Variants in TTC28 observed in about 807,000 individuals in gnomAD.
The protein encoded by TTC28 is tetratricopeptide repeat domain 28, also known as tetratricopeptide repeat protein 28.
TTC28 carries 61 observed loss-of-function variants against 198.0 expected under a neutral mutation model. That is an observed-to-expected ratio of 0.31 (90% CI 0.25 to 0.38). The LOEUF is 0.38. Among genes scored for constraint, TTC28 ranks in the 10% least tolerant of loss-of-function variants. TTC28 has a pLI of 1.00. For synonymous variants in TTC28, 1,171 were observed against 1,297.8 expected, an observed-to-expected ratio of 0.90 and a Z score of 2.10; for missense variants, 2,678 against 3,164.0, an observed-to-expected ratio of 0.85 and a Z score of 3.69.
chr22:28,587,047 C>A (rs1348553706), intron 2 of TTC28, among the ~76,000 whole-genome samples: 2 of 152,104 alleles, frequency 1.3e-5, no homozygotes, highest in African/African-American at 4.8e-5. Flanking sequence ...CATGGTGAAA[C>A]CCTGTCTCTA....
At chr22:28,371,448 C>T (rs574001227) in intron 2 of TTC28, among the ~76,000 whole-genome samples, 10 of 117,720 alleles carry the variant, frequency 8.5e-5, no homozygotes, top group East Asian at 8.4e-4. Context: ...AGGCAGAGGT[C>T]GCAATAAGCC....
At chr22:28,339,718 G>A (rs535518786) in intron 2 of TTC28, among the ~76,000 whole-genome samples, 1 of 152,290 alleles carries the variant, frequency 6.6e-6, no homozygotes, top group Admixed American at 6.5e-5. Context: ...TCCTGGTGTG[G>A]TGTTTGCTAA....
At chr22:28,347,290 A>G (rs1419733959) in intron 2 of TTC28, among the ~76,000 whole-genome samples, 1 of 151,806 alleles carries the variant, frequency 6.6e-6, no homozygotes, top group Non-Finnish European at 1.5e-5. Context: ...AAAAAACAAA[A>G]AAAGAAAAAA....
At chr22:28,090,379 A>G (rs553344451) in intron 12 of TTC28, among the ~76,000 whole-genome samples, 1 of 152,000 alleles carries the variant, frequency 6.6e-6, no homozygotes, top group South Asian at 2.1e-4. Flanking sequence ...ACATTTGGCT[A>G]TTTGATTAAA....
intron 6 of TTC28, among the ~76,000 whole-genome samples, chr22:28,125,363 A>G (rs916671719): frequency 3.9e-5 from 6 of 152,202 alleles, no homozygotes; most frequent in Non-Finnish European, 7.3e-5. Context: ...TCTTTCAACA[A>G]ACATTTACTG....
intron 2 of TTC28, among the ~76,000 whole-genome samples, chr22:28,454,177 C>T (rs761344381): frequency 1.5e-4 from 23 of 152,116 alleles, no homozygotes; most frequent in Non-Finnish European, 3.1e-4. Context: ...TACCCTATTA[C>T]TTTAGTTTGT....
intron 5 of TTC28, among the ~76,000 whole-genome samples, chr22:28,172,912 A>T (rs1325157385): frequency 2.0e-5 from 3 of 152,328 alleles, no homozygotes; most frequent in Non-Finnish European, 2.9e-5. Flanking sequence ...AATGTTGCTA[A>T]TGACAATACT....
intron 5 of TTC28, among the ~76,000 whole-genome samples, chr22:28,269,035 C>G (rs576333631): frequency 1.8e-3 from 272 of 152,264 alleles, no homozygotes; most frequent in Middle Eastern, 3.4e-3. Context: ...TGTTTGAATA[C>G]TGCCAACACC....
intron 2 of TTC28, among the ~76,000 whole-genome samples, chr22:28,578,118 A>G (rs1021481282): frequency 4.6e-5 from 7 of 151,614 alleles, no homozygotes; most frequent in Admixed American, 4.6e-4. Flanking sequence ...CTTTTTATTT[A>G]TTGTGATCTA....
rs1937039693 is a variant in TTC28 at position 27,982,144 on chromosome 22, G to GCACT, written c.*73_*76dup. ...GGGTGCTGGTGGCTGTGGGGGGACT[G>GCACT]CACTCAGGGAAGGGCTGAAGCAAAC... On this transcript the variant is annotated 3_prime_UTR_variant, in exon 23 of 23. Coordinates refer to ENST00000397906, the MANE Select transcript of TTC28 (RefSeq NM_001145418.2). The surrounding 1 kb of genome is among the most constrained non-coding windows in gnomAD (Gnocchi z 5.2). 5.1e-6 allele frequency: 7 copies of GCACT among 1,384,230 alleles called. No homozygotes were observed. The South Asian group carries it at 1.1e-4, about 22-fold the overall frequency. 85.7% of individuals were successfully genotyped at this position (1,384,230 alleles called of 1,614,324 possible).
At chr22:28,460,660 T>C (rs200164138) in intron 2 of TTC28, among the ~76,000 whole-genome samples, 25 of 94,310 alleles carry the variant, frequency 2.7e-4, no homozygotes, top group Admixed American at 1.1e-3. Flanking sequence ...GATAGATAGA[T>C]AGATAGACAG....
rs139543081 is a variant in TTC28, at chr22:28,338,910, C to G, written c.382-32267G>C. Reference sequence around the variant, plus strand: ...TTCTCCATTCAGCTTTGTTCCGTTCCTGGTAAGGAGCTGTGTTCCTTTGGA... The same window carrying G: ...TTCTCCATTCAGCTTTGTTCCGTTCGTGGTAAGGAGCTGTGTTCCTTTGGA... On this transcript the variant is annotated intron_variant, in intron 2 of 22. Transcript: ENST00000397906. 1.2e-3 allele frequency among the ~76,000 whole-genome samples: 176 copies of G among 152,282 alleles called. 2 individuals carry two copies. The highest frequency in any genetic ancestry group is 3.9e-3 in the African/African-American group (160 of 41,544).
intron 2 of TTC28, among the ~76,000 whole-genome samples, chr22:28,487,085 A>G (rs1348923863): frequency 6.6e-6 from 1 of 152,154 alleles, no homozygotes; most frequent in Non-Finnish European, 1.5e-5. Context: ...CAGAGGTAAG[A>G]CTTATGGAAA....
chr22:28,055,221 C>T (rs1940238444), intron 12 of TTC28, among the ~76,000 whole-genome samples: 1 of 152,192 alleles, frequency 6.6e-6, no homozygotes, highest in Non-Finnish European at 1.5e-5. Flanking sequence ...GTAACAGACA[C>T]AGTCCCTGCT....
At chr22:28,520,058 G>C (rs2048871931) in intron 2 of TTC28, among the ~76,000 whole-genome samples, 1 of 152,026 alleles carries the variant, frequency 6.6e-6, no homozygotes, top group Non-Finnish European at 1.5e-5. Context: ...AAGACAAATT[G>C]ATTTACACAA....
intron 2 of TTC28, among the ~76,000 whole-genome samples, chr22:28,494,470 A>C (rs562306804): frequency 6.6e-6 from 1 of 152,306 alleles, no homozygotes; most frequent in East Asian, 1.9e-4. Flanking sequence ...GAAACTGCCA[A>C]CTACCCCTCA....
At position 28,014,263 on chromosome 22, in the gene TTC28, G is replaced by A. The variant is rs1452751913; in HGVS notation, c.4203C>T (p.Ile1401=). Residue 1401 remains isoleucine, a synonymous_variant, in exon 14 of 23, where the codon ATC becomes ATT. Transcript: ENST00000397906. ...PPLRALYDLL[I]APMEGGLMHS... is the part of the protein sequence containing the mutation. ...AGGTGCTTACCCCTTCCATGGGCGC[G>A]ATGAGCAGGTCATACAGGGCACGGA... is the stretch of plus-strand genomic sequence containing the variant. 6.4e-6 allele frequency: 10 copies of A among 1,551,068 alleles called. No individual in the cohort carries two copies. The highest frequency in any genetic ancestry group is 8.7e-6 in the Non-Finnish European group (10 of 1,146,716).
chr22:28,074,996 G>A (rs1714815470), intron 12 of TTC28, among the ~76,000 whole-genome samples: 1 of 152,042 alleles, frequency 6.6e-6, no homozygotes, highest in East Asian at 1.9e-4. Context: ...GCTGAGACAC[G>A]AGAATCGCTT....
chr22:28,522,313 C>T (rs2048923299), intron 2 of TTC28, among the ~76,000 whole-genome samples: 1 of 151,900 alleles, frequency 6.6e-6, no homozygotes, highest in South Asian at 2.1e-4. Context: ...ATGATGAAAC[C>T]CTGTCTCTAC....
Sources: allele counts gnomAD v4.1 joint callset (sites outside exome capture counted in the v4.1 genomes callset), GRCh38; gene constraint gnomAD v4.1.1; non-coding constraint Gnocchi (gnomAD v3.1); transcripts MANE v1.5; gene names NCBI Gene and HGNC (gene_info 2026-07-23, HGNC 2026-07-21).